MYRIP: variants seen among roughly 807,000 people sequenced by gnomAD.
MYRIP encodes the protein myosin VIIA and Rab interacting protein, also known as rab effector MyRIP.
A neutral mutation model predicts 98.0 loss-of-function variants in MYRIP; 49 were observed. That is an observed-to-expected ratio of 0.50 (90% CI 0.40 to 0.63). MYRIP has a LOEUF of 0.63. MYRIP is among the 30% of genes least tolerant of loss of function. MYRIP has a pLI of 0.00. For missense variants in MYRIP, 1,004 were observed against 1,058.2 expected, an observed-to-expected ratio of 0.95 and a Z score of 0.71; for synonymous variants, 404 against 409.5, an observed-to-expected ratio of 0.99 and a Z score of 0.16.
chr3:39,868,190 G>C (rs1575322214), intron 1 of MYRIP, among the ~76,000 whole-genome samples: 2 of 152,324 alleles, frequency 1.3e-5, no homozygotes, highest in Non-Finnish European at 1.5e-5. Flanking sequence ...GAAAGCAATG[G>C]CTCTGTCCTG....
intron 3 of MYRIP, among the ~76,000 whole-genome samples, chr3:40,123,154 A>G (rs924634672): frequency 6.6e-6 from 1 of 152,252 alleles, no homozygotes; most frequent in Non-Finnish European, 1.5e-5. Flanking sequence ...GCAGCATGCA[A>G]TATCAATAAT....
rs10712549 is a variant in MYRIP at position 40,099,486 on chromosome 3, CT to C, written c.333-51561del. On this transcript the variant is annotated intron_variant, in intron 3 of 16. Coordinates refer to ENST00000302541, the MANE Select transcript of MYRIP (RefSeq NM_015460.4). The stretch of plus-strand genomic sequence containing the variant: ...GGTTCATAGAAGCAAAATAATTTGC[CT>C]GTGGCCACAGGGCTAGGGAGTGGTC... Among the ~76,000 whole-genome samples the C allele has an allele frequency of 6.0e-3, 921 of 152,256 alleles. 10 individuals are homozygous for C. Among genetic ancestry groups the C allele is most frequent in the African/African-American group, 0.021 (853 of 41,530 alleles).
chr3:40,252,764 T>A (rs1466618380), intron 16 of MYRIP, among the ~76,000 whole-genome samples: 1 of 152,136 alleles, frequency 6.6e-6, no homozygotes, highest in Non-Finnish European at 1.5e-5. Context: ...CAAGATAGAA[T>A]CTTAGTTCAG....
At chr3:39,919,632 G>A (rs181459511) in intron 2 of MYRIP, among the ~76,000 whole-genome samples, 118 of 151,946 alleles carry the variant, frequency 7.8e-4, no homozygotes, top group Non-Finnish European at 1.3e-3. Flanking sequence ...AAACAGATTC[G>A]TGTGATCCTG....
intron 1 of MYRIP, among the ~76,000 whole-genome samples, chr3:39,875,265 A>G (rs528082299): frequency 1.7e-4 from 26 of 151,984 alleles, no homozygotes; most frequent in African/African-American, 6.0e-4. Flanking sequence ...TGGTCTATCA[A>G]TTTTGTTGAT....
intron 3 of MYRIP, among the ~76,000 whole-genome samples, chr3:40,053,285 G>T (rs540858567): frequency 6.6e-6 from 1 of 152,242 alleles, no homozygotes; most frequent in South Asian, 2.1e-4. Flanking sequence ...CAATTAATGG[G>T]CAATTTAGGT....
intron 16 of MYRIP, 46 bp from the exon 17 acceptor site, chr3:40,258,088 C>G: frequency 6.2e-7 from 1 of 1,607,828 alleles, no homozygotes; most frequent in Non-Finnish European, 8.5e-7. Context: ...CTTCTTCTCA[C>G]TCTTCCCAAG....
intron 8 of MYRIP, among the ~76,000 whole-genome samples, chr3:40,178,831 G>A (rs77520650): frequency 1.3e-5 from 2 of 152,256 alleles, no homozygotes; most frequent in African/African-American, 4.8e-5. Context: ...TAAAGAGGAA[G>A]GGCCTATCTG....
intron 3 of MYRIP, among the ~76,000 whole-genome samples, chr3:40,139,869 C>T (rs1949857257): frequency 6.6e-6 from 1 of 152,166 alleles, no homozygotes; most frequent in African/African-American, 2.4e-5. Context: ...TGTGAGCCAC[C>T]ACACCCTGCC....
chr3:40,218,620 A>AT (rs1952213562), intron 11 of MYRIP, among the ~76,000 whole-genome samples: 4 of 13,366 alleles, frequency 3.0e-4, no homozygotes, highest in Admixed American at 2.4e-3. Context: ...TTTTATATAT[A>AT]TATATATATA....
intron 9 of MYRIP, among the ~76,000 whole-genome samples, chr3:40,184,851 CA>C (rs1950984900): frequency 6.6e-6 from 1 of 152,028 alleles, no homozygotes; most frequent in South Asian, 2.1e-4. Flanking sequence ...ATCACACACC[CA>C]AAAAAAGATT....
chr3:39,821,339 G>A (rs996682222), intron 1 of MYRIP, among the ~76,000 whole-genome samples: 7 of 119,780 alleles, frequency 5.8e-5, no homozygotes, highest in South Asian at 2.8e-4. Context: ...GTACCACCCC[G>A]CCCCGACTTA....
intron 8 of MYRIP, 126 bp downstream of exon 8, chr3:40,170,219 A>G: frequency 3.2e-6 from 4 of 1,254,870 alleles, no homozygotes; most frequent in Non-Finnish European, 3.3e-6. Flanking sequence ...GGGGAGCGAA[A>G]TTGAAAGAGA....
At chr3:40,087,872 C>T (rs1430587905) in intron 3 of MYRIP, among the ~76,000 whole-genome samples, 1 of 152,142 alleles carries the variant, frequency 6.6e-6, no homozygotes, top group Non-Finnish European at 1.5e-5. Context: ...TTTTCTGTGA[C>T]CAGCTGGCAG....
In MYRIP at chr3:40,026,501, C is replaced by G. The variant is rs571660754; in HGVS notation, c.111-17549C>G. Among the ~76,000 whole-genome samples, 4 of 152,240 alleles carry G rather than the reference C, an allele frequency of 2.6e-5. No individual in the cohort carries two copies. In the East Asian group the frequency reaches 7.7e-4, roughly 29 times the overall value. On this transcript the variant is annotated intron_variant, in intron 2 of 16. Coordinates refer to ENST00000302541, the MANE Select transcript of MYRIP (RefSeq NM_015460.4). ...ATACATCCTCAGCTTACAAAGGTAA[C>G]AGGATTAAGAAATTAAAGTAAGACA...
chr3:40,072,796 A>G (rs1213821626), intron 3 of MYRIP, among the ~76,000 whole-genome samples: 1 of 150,960 alleles, frequency 6.6e-6, no homozygotes, highest in East Asian at 2.0e-4. Flanking sequence ...GTGGTCCAGT[A>G]TACTGCTAGT....
intron 3 of MYRIP, among the ~76,000 whole-genome samples, chr3:40,122,961 T>A (rs1949435817): frequency 6.6e-6 from 1 of 152,194 alleles, no homozygotes; most frequent in Non-Finnish European, 1.5e-5. Context: ...GGTATACAGA[T>A]TATTTCACCA....
At chr3:39,947,831 T>G (rs1944935353) in intron 2 of MYRIP, among the ~76,000 whole-genome samples, 1 of 152,166 alleles carries the variant, frequency 6.6e-6, no homozygotes, top group East Asian at 1.9e-4. Flanking sequence ...ACGTACTGAA[T>G]CAGAATCTGC....
At chr3:40,192,592 A>G (rs2261542) in intron 10 of MYRIP, among the ~76,000 whole-genome samples, 133,271 of 151,658 alleles carry the variant, frequency 0.88, 58,713 homozygotes, top group Middle Eastern at 0.95. Context: ...AATTGGCAAC[A>G]TGCTGTCCAT....
Sources: gnomAD v4.1 joint callset for allele counts (sites outside exome capture counted in the v4.1 genomes callset) on GRCh38, gnomAD v4.1.1 for gene constraint, MANE v1.5 for transcripts, NCBI Gene and HGNC (gene_info 2026-07-23, HGNC 2026-07-21) for gene names.